CADPS2: variants seen among roughly 807,000 people sequenced by gnomAD.
CADPS2 encodes the protein calcium dependent secretion activator 2.
A neutral mutation model predicts 172.5 loss-of-function variants in CADPS2; 93 were observed. That is an observed-to-expected ratio of 0.54 (90% CI 0.46 to 0.64). CADPS2 has a LOEUF of 0.64. Ranked by LOEUF, CADPS2 falls within the 30% of genes least tolerant of loss-of-function variation. The pLI is 0.00. For missense variants in CADPS2, 1,420 were observed against 1,565.9 expected, an observed-to-expected ratio of 0.91 and a Z score of 1.57; for synonymous variants, 546 against 555.2, an observed-to-expected ratio of 0.98 and a Z score of 0.23.
intron 5 of CADPS2, among the ~76,000 whole-genome samples, chr7:122,618,592 A>G (rs1350079103): frequency 6.6e-6 from 1 of 152,172 alleles, no homozygotes; most frequent in Non-Finnish European, 1.5e-5. Context: ...TCGACTCAGT[A>G]TAGTTCTTAG....
At chr7:122,514,593 T>C (rs1294221704) in intron 8 of CADPS2, among the ~76,000 whole-genome samples, 1 of 152,048 alleles carries the variant, frequency 6.6e-6, no homozygotes, top group Non-Finnish European at 1.5e-5. Flanking sequence ...GATCTTCTTG[T>C]AGGATAACAT....
intron 8 of CADPS2, among the ~76,000 whole-genome samples, chr7:122,551,919 T>C (rs2064353348): frequency 6.6e-6 from 1 of 152,162 alleles, no homozygotes; most frequent in Non-Finnish European, 1.5e-5. Context: ...TGTAATTAAG[T>C]GCAGTAAAAT....
rs2086396717 is a variant in CADPS2, at chr7:122,702,888, C to A, written c.453+34067G>T. The A allele has an allele frequency of 4.8e-6, 3 of 621,708 alleles. No homozygotes were observed. The Admixed American group carries it at 9.3e-5, about 19-fold the overall frequency. 38.5% of individuals were successfully genotyped at this position (621,708 alleles called of 1,614,324 possible). Reference sequence around the variant, plus strand: ...AAAGGTCTCCCTGGATCAAAGCTATCTTGCTCCTTCCAGTATTTTAATATT... The same window carrying A: ...AAAGGTCTCCCTGGATCAAAGCTATATTGCTCCTTCCAGTATTTTAATATT... On this transcript the variant is annotated intron_variant, in intron 2 of 29. Transcript: ENST00000449022.
chr7:122,399,660 CTTTTTTTTTTTTTTTTTTTTTTTTTT>C (rs1008163151), intron 20 of CADPS2, among the ~76,000 whole-genome samples: 28 of 51,228 alleles, frequency 5.5e-4, no homozygotes, highest in South Asian at 1.8e-3. Context: ...GGGTGGGTTT[CTTTTTTTTTTTTTTTTTTTTTTTTTT>C]TTTTTTTTTT....
intron 27 of CADPS2, among the ~76,000 whole-genome samples, chr7:122,351,401 A>AAAAAAAAAAAAAAAAAAAAAAAC (rs1283799796): frequency 6.9e-6 from 1 of 145,012 alleles, no homozygotes; most frequent in Non-Finnish European, 1.5e-5. Flanking sequence ...AAAAAAAAAA[A>AAAAAAAAAAAAAAAAAAAAAAAC]AATTCCAAAC....
At chr7:122,813,826 C>G (rs1432993172) in intron 1 of CADPS2, among the ~76,000 whole-genome samples, 1 of 152,008 alleles carries the variant, frequency 6.6e-6, no homozygotes, top group Non-Finnish European at 1.5e-5. Context: ...CATATATGTA[C>G]TAACTTCCCA....
intron 17 of CADPS2, chr7:122,427,325 C>T (rs749447421): frequency 2.6e-5 from 4 of 151,760 alleles, no homozygotes; most frequent in East Asian, 1.9e-4. Context: ...AATGGGGGCA[C>T]GCTATGTTTT....
At chr7:122,380,466 ATT>A (rs200981819) in intron 24 of CADPS2, among the ~76,000 whole-genome samples, 3 of 146,004 alleles carry the variant, frequency 2.1e-5, no homozygotes, top group African/African-American at 7.5e-5. Flanking sequence ...TTTGAAAGCT[ATT>A]TTTTTTTTTT....
chr7:122,443,709 A>AT (rs2051707431), intron 15 of CADPS2, among the ~76,000 whole-genome samples: 2 of 57,282 alleles, frequency 3.5e-5, no homozygotes, highest in African/African-American at 8.3e-5. Context: ...TCTGCTTTCT[A>AT]CAAAAAAAAA....
At chr7:122,456,890 T>C (rs2152073932) in intron 14 of CADPS2, among the ~76,000 whole-genome samples, 1 of 152,342 alleles carries the variant, frequency 6.6e-6, no homozygotes, top group South Asian at 2.1e-4. Flanking sequence ...ATCTTGTAAT[T>C]TGTGCTATTC....
chr7:122,722,917 C>A (rs2090621921), intron 2 of CADPS2, among the ~76,000 whole-genome samples: 2 of 151,906 alleles, frequency 1.3e-5, no homozygotes, highest in South Asian at 4.2e-4. Context: ...CTGACAAAAA[C>A]AAGCAATGGG....
At chr7:122,721,704 C>A (rs2090427540) in intron 2 of CADPS2, among the ~76,000 whole-genome samples, 1 of 152,094 alleles carries the variant, frequency 6.6e-6, no homozygotes, top group Non-Finnish European at 1.5e-5. Context: ...CCAACATTGT[C>A]CTGATACCAA....
At chr7:122,342,537 T>G (rs893229546) in intron 28 of CADPS2, among the ~76,000 whole-genome samples, 1 of 152,200 alleles carries the variant, frequency 6.6e-6, no homozygotes, top group Admixed American at 6.6e-5. Flanking sequence ...TAGTATTACA[T>G]GCTTTCCAAA....
chr7:122,377,817 G>A (rs2042532291), intron 25 of CADPS2, among the ~76,000 whole-genome samples: 1 of 152,088 alleles, frequency 6.6e-6, no homozygotes, highest in African/African-American at 2.4e-5. Flanking sequence ...ATTTGGTGCA[G>A]TGGTAAAAAT....
chr7:122,528,651 A>G (rs1454131534), intron 8 of CADPS2, among the ~76,000 whole-genome samples: 1 of 152,098 alleles, frequency 6.6e-6, no homozygotes, highest in Non-Finnish European at 1.5e-5. Context: ...AATTCCATTT[A>G]TTTATTTGCT....
intron 2 of CADPS2, among the ~76,000 whole-genome samples, chr7:122,724,048 G>A (rs1423884109): frequency 8.3e-6 from 1 of 120,876 alleles, no homozygotes; most frequent in African/African-American, 3.1e-5. Flanking sequence ...GGAGGGGGGA[G>A]GGATAGCATT....
intron 6 of CADPS2, among the ~76,000 whole-genome samples, chr7:122,608,071 G>A (rs955377654): frequency 1.3e-5 from 2 of 152,012 alleles, no homozygotes; most frequent in Admixed American, 1.3e-4. Flanking sequence ...ACAAAAATTA[G>A]CTGGGTGTGG....
intron 1 of CADPS2, among the ~76,000 whole-genome samples, chr7:122,769,650 A>T (rs374787317): frequency 5.9e-5 from 9 of 152,210 alleles, no homozygotes; most frequent in African/African-American, 2.2e-4. Flanking sequence ...AATAAAAACT[A>T]AAAATGTCCT....
chr7:122,706,573 G>A (rs932018154), intron 2 of CADPS2, among the ~76,000 whole-genome samples: 3 of 147,188 alleles, frequency 2.0e-5, no homozygotes, highest in Admixed American at 6.9e-5. Context: ...TGTTAACAGC[G>A]AATATGTATA....
Sources: gnomAD v4.1 joint callset for allele counts (sites outside exome capture counted in the v4.1 genomes callset) on GRCh38, gnomAD v4.1.1 for gene constraint, MANE v1.5 for transcripts, NCBI Gene and HGNC (gene_info 2026-07-23, HGNC 2026-07-21) for gene names.